The following GRIK2 variants were observed in gnomAD, a reference collection of about 807,000 sequenced individuals.
GRIK2 encodes the protein glutamate receptor ionotropic, kainate 2.
A neutral mutation model predicts 100.3 loss-of-function variants in GRIK2; 32 were observed. That is an observed-to-expected ratio of 0.32 (90% confidence interval 0.24 to 0.43). The LOEUF is 0.43. Among genes scored for constraint, GRIK2 ranks in the 20% least tolerant of loss-of-function variants. GRIK2 has a pLI of 1.00. For missense variants in GRIK2, 843 were observed against 1,114.9 expected (o/e 0.76, Z 3.47); for synonymous variants, 417 against 389.4 (o/e 1.07, Z -0.83).
At chr6:101,780,209 G>T (rs549493732) in intron 7 of GRIK2, among the ~76,000 whole-genome samples, 1 of 152,082 alleles carries the variant, frequency 6.6e-6, no homozygotes, top group Non-Finnish European at 1.5e-5. Context: ...TCCATGGTCC[G>T]TGGAACCATA....
At chr6:101,945,981 A>G (rs559900664) in intron 14 of GRIK2, among the ~76,000 whole-genome samples, 10 of 149,872 alleles carry the variant, frequency 6.7e-5, no homozygotes, top group Middle Eastern at 8.1e-3. Flanking sequence ...ATATAAGATT[A>G]TTAATCATAA....
intron 7 of GRIK2, among the ~76,000 whole-genome samples, chr6:101,788,190 G>C (rs190595447): frequency 6.6e-6 from 1 of 151,476 alleles, no homozygotes; most frequent in African/African-American, 2.4e-5. Flanking sequence ...GTGTCTTTAC[G>C]AGTGAGATGA....
chr6:101,900,442 A>C (rs992460279), intron 12 of GRIK2, among the ~76,000 whole-genome samples: 20 of 152,238 alleles, frequency 1.3e-4, no homozygotes, highest in Non-Finnish European at 4.4e-5. Context: ...GCGCCATTGC[A>C]CTCCAGCCTG....
rs560336124 is a variant in GRIK2, at chr6:101,581,285, C to G, written c.116-40664C>G. ...ATCTACACGTGTATACATGTATACACACGTGTGTGTGTGTGTGTATATACA... is the reference window on the plus strand; with the variant it reads ...ATCTACACGTGTATACATGTATACAGACGTGTGTGTGTGTGTGTATATACA... On this transcript the variant is annotated intron_variant, in intron 2 of 16. Coordinates refer to ENST00000369134, the MANE Select transcript of GRIK2 (RefSeq NM_021956.5). Among the ~76,000 whole-genome samples, 37 of 139,434 alleles carry G rather than the reference C, an allele frequency of 2.7e-4. 1 individual carries two copies. The East Asian group carries it at 7.3e-3, about 27-fold the overall frequency. 91.5% of individuals were successfully genotyped at this position (139,434 alleles called of 152,430 possible). A position where few individuals can be genotyped will look rare whatever the true frequency, so the allele number is the denominator to read the frequency against.
rs3054436 is a variant in GRIK2, at chr6:101,876,009, T to TTGTGTG, written c.1525-13613_1525-13608dup. Among the ~76,000 whole-genome samples, 320 of 148,918 alleles carry TTGTGTG rather than the reference T, an allele frequency of 2.1e-3. 1 individual carries two copies. Among genetic ancestry groups the TTGTGTG allele is most frequent in the African/African-American group, 7.3e-3 (298 of 40,808 alleles). ...ACATATATATTGTGTGTTTATGTGT[T>TTGTGTG]TGTGTGTGTGTGTGTGTGTGTGTAA... On this transcript the variant is annotated intron_variant, in intron 11 of 16. Transcript: ENST00000369134.
chr6:101,796,124 A>G (rs1780286974), intron 7 of GRIK2, among the ~76,000 whole-genome samples: 1 of 152,222 alleles, frequency 6.6e-6, no homozygotes. Context: ...GACAGATTAT[A>G]TGGATTAAAT....
chr6:101,633,336 G>T (rs142408031), intron 4 of GRIK2, among the ~76,000 whole-genome samples: 1 of 152,026 alleles, frequency 6.6e-6, no homozygotes, highest in African/African-American at 2.4e-5. Context: ...TGGTTACTAC[G>T]GTCTTTGGTA....
intron 2 of GRIK2, among the ~76,000 whole-genome samples, chr6:101,401,255 G>T (rs1194509516): frequency 1.3e-5 from 2 of 152,162 alleles, no homozygotes; most frequent in African/African-American, 2.4e-5. Flanking sequence ...CTCTGGTCTT[G>T]CAGCACAATA....
intron 2 of GRIK2, among the ~76,000 whole-genome samples, chr6:101,556,321 A>ATTTTTGTTTTTTTTTTTTTT (rs1776736491): frequency 1.7e-5 from 1 of 59,396 alleles, no homozygotes; most frequent in Non-Finnish European, 3.6e-5. Context: ...TATATTGGTA[A>ATTTTTGTTTTTTTTTTTTTT]TTTTTTTTTT....
At chr6:101,557,664 C>T (rs1055156226) in intron 2 of GRIK2, among the ~76,000 whole-genome samples, 8 of 152,156 alleles carry the variant, frequency 5.3e-5, no homozygotes, top group African/African-American at 1.9e-4. Context: ...TTCACAGAAG[C>T]CGCTCTATAA....
At chr6:101,548,315 C>T (rs868415492) in intron 2 of GRIK2, among the ~76,000 whole-genome samples, 1 of 152,084 alleles carries the variant, frequency 6.6e-6, no homozygotes, top group African/African-American at 2.4e-5. Flanking sequence ...GCAGAAGCTC[C>T]TTAGTTGAAT....
chr6:102,000,030 T>C (rs150276406), intron 14 of GRIK2, among the ~76,000 whole-genome samples: 2 of 152,174 alleles, frequency 1.3e-5, no homozygotes, highest in East Asian at 1.9e-4. Flanking sequence ...TTTTTTTGTA[T>C]AGTGTTGAAT....
Position 101,966,951 on chromosome 6 carries a change from G to A in GRIK2, c.2085+38319G>A, listed in dbSNP as rs79015306. Among the ~76,000 whole-genome samples the A allele has an allele frequency of 4.6e-5, 7 of 151,926 alleles. No individual in the cohort carries two copies. In the East Asian group the frequency reaches 5.8e-4, roughly 13 times the overall value. ...TTATAGTGTTTTATTGTGATATTATGTATTCATGATAAGTAACTCAATGTA... is the reference window on the plus strand; with the variant it reads ...TTATAGTGTTTTATTGTGATATTATATATTCATGATAAGTAACTCAATGTA... On this transcript the variant is annotated intron_variant, in intron 14 of 16. Coordinates refer to ENST00000369134, the MANE Select transcript of GRIK2 (RefSeq NM_021956.5).
chr6:102,021,851 T>A (rs1004255169), intron 14 of GRIK2, among the ~76,000 whole-genome samples: 1 of 151,288 alleles, frequency 6.6e-6, no homozygotes, highest in Non-Finnish European at 1.5e-5. Flanking sequence ...TTTTGAATTT[T>A]AAAATGTTAG....
At chr6:101,573,943 T>C (rs1332844701) in intron 2 of GRIK2, among the ~76,000 whole-genome samples, 1 of 152,080 alleles carries the variant, frequency 6.6e-6, no homozygotes, top group Non-Finnish European at 1.5e-5. Context: ...TATTAAACTC[T>C]AACTAGACTT....
chr6:101,870,910 G>C (rs1483658577), intron 11 of GRIK2, among the ~76,000 whole-genome samples: 1 of 151,854 alleles, frequency 6.6e-6, no homozygotes, highest in Non-Finnish European at 1.5e-5. Flanking sequence ...TAATTTGAGA[G>C]CACGTGTTCT....
At chr6:101,529,201 T>G (rs2518252) in intron 2 of GRIK2, among the ~76,000 whole-genome samples, 1 of 152,046 alleles carries the variant, frequency 6.6e-6, no homozygotes, top group East Asian at 1.9e-4. Flanking sequence ...CAAAATATAG[T>G]TTACACAATT....
At chr6:101,601,498 T>G (rs185314040) in intron 2 of GRIK2, among the ~76,000 whole-genome samples, 4 of 152,036 alleles carry the variant, frequency 2.6e-5, no homozygotes, top group Admixed American at 2.6e-4. Context: ...GGAATAGTTC[T>G]GGTAGAATTA....
At chr6:101,842,322 A>G (rs1427064665) in intron 10 of GRIK2, among the ~76,000 whole-genome samples, 1 of 151,698 alleles carries the variant, frequency 6.6e-6, no homozygotes, top group East Asian at 1.9e-4. Context: ...ATTTATCTCC[A>G]TTTACCTAAT....
Sources: allele counts gnomAD v4.1 joint callset (sites outside exome capture counted in the v4.1 genomes callset), GRCh38; gene constraint gnomAD v4.1.1; transcripts MANE v1.5; gene names NCBI Gene and HGNC (gene_info 2026-07-23, HGNC 2026-07-21).